Variants in RASGRP4 observed in about 807,000 individuals in gnomAD.
RASGRP4 encodes the protein RAS guanyl releasing protein 4.
RASGRP4 carries 52 observed loss-of-function variants against 84.4 expected under a neutral mutation model. That is an observed-to-expected ratio of 0.62 (90% CI 0.49 to 0.78). The LOEUF is 0.78. Among genes scored for constraint, RASGRP4 ranks in the 30% least tolerant of loss-of-function variants. The probability of loss-of-function intolerance (pLI) is 0.00; values close to 1 mark genes in which losing one functional copy is unlikely to be tolerated. For synonymous variants in RASGRP4, 356 were observed against 359.1 expected (o/e 0.99, Z 0.10); for missense variants, 760 against 886.9 (o/e 0.86, Z 1.82).
chr19:38,422,410 G>A (rs1971797335), intron 1 of RASGRP4, among the ~76,000 whole-genome samples: 1 of 152,218 alleles, frequency 6.6e-6, no homozygotes, highest in African/African-American at 2.4e-5. Flanking sequence ...CAGAGAGGAA[G>A]ATCCTCAAGA....
chr19:38,414,414 C>T (rs539045601), intron 9 of RASGRP4, among the ~76,000 whole-genome samples: 1 of 152,024 alleles, frequency 6.6e-6, no homozygotes, highest in Non-Finnish European at 1.5e-5. Context: ...GCAACCTCCA[C>T]CTCCCGGGTT....
rs896910080 is a variant in RASGRP4, at chr19:38,421,838, C to A, written c.208+131G>T. 8.3e-6 allele frequency: 5 copies of A among 602,898 alleles called. No individual in the cohort carries two copies. The Admixed American group carries it at 1.0e-4, about 12-fold the overall frequency. 37.3% of individuals were successfully genotyped at this position (602,898 alleles called of 1,614,324 possible). On this transcript the variant is annotated intron_variant, in intron 2 of 16. Transcript: ENST00000615439. ...GAAGAAATGCAGGTGTTTCTGTTAT[C>A]TCTAATGTAGTGATTGAGTTTCATT...
chr19:38,412,922 A>G lies in RASGRP4; in HGVS notation c.1535+9T>C, dbSNP rs555629229. The G allele has an allele frequency of 1.3e-5, 21 of 1,613,630 alleles. No homozygotes were observed. Among genetic ancestry groups the G allele is most frequent in the Admixed American group, 1.2e-4 (7 of 60,020 alleles). On this transcript the variant is annotated intron_variant, in intron 12 of 16. Coordinates refer to ENST00000615439, the MANE Select transcript of RASGRP4 (RefSeq NM_170604.3). This position sits in a 1 kb window ranked among gnomAD's most constrained non-coding sequence, Gnocchi z 4.6. ...ATCTTCGGAGGATCCAGGAGTCACAACCACTTACCCCTGGCGTGGGGGTGG... is the reference window on the plus strand; with the variant it reads ...ATCTTCGGAGGATCCAGGAGTCACAGCCACTTACCCCTGGCGTGGGGGTGG...
intron 9 of RASGRP4, among the ~76,000 whole-genome samples, chr19:38,414,294 G>A (rs1344741959): frequency 6.6e-6 from 1 of 151,714 alleles, no homozygotes; most frequent in Non-Finnish European, 1.5e-5. Flanking sequence ...CTCTGAAGTG[G>A]GTCCTTTTAT....
At chr19:38,410,197 GT>G in intron 16 of RASGRP4, 101 bp from the exon 17 acceptor site, 3 of 853,850 alleles carry the variant, frequency 3.5e-6, no homozygotes, top group Non-Finnish European at 5.5e-6. Flanking sequence ...GCCCAGACTG[GT>G]AAGTGGATGA....
intron 13 of RASGRP4, 151 bp from the exon 14 acceptor site, chr19:38,411,532 G>C (rs1250594127): frequency 2.5e-6 from 2 of 792,832 alleles, no homozygotes; most frequent in South Asian, 1.9e-5. Flanking sequence ...ATGTGGGTGG[G>C]GTACAGTGGC....
chr19:38,410,830 C>G (rs978170021), intron 16 of RASGRP4, 56 bp downstream of exon 16: 1 of 1,285,548 alleles, frequency 7.8e-7, no homozygotes, highest in Non-Finnish European at 1.1e-6. Flanking sequence ...GTCTTCCCCA[C>G]GCCAATGGCC....
At position 38,413,891 on chromosome 19, in the gene RASGRP4, A is replaced by G. The variant is rs1286539423; in HGVS notation, c.1231-417T>C. ...AGTCATTGGAGGAAGTGGGGAAAAA[A>G]CATGTTACTTAAATAGAATACAGAG... is the stretch of plus-strand genomic sequence containing the variant. On this transcript the variant is annotated intron_variant, in intron 9 of 16. Coordinates refer to ENST00000615439, the MANE Select transcript of RASGRP4 (RefSeq NM_170604.3). The surrounding 1 kb of genome is among the most constrained non-coding windows in gnomAD (Gnocchi z 4.7). 6.6e-6 allele frequency among the ~76,000 whole-genome samples: 1 copy of G among 152,100 alleles called. No homozygotes were observed. The highest frequency in any genetic ancestry group is 2.4e-5 in the African/African-American group (1 of 41,396).
Position 38,422,071 on chromosome 19 carries a change from G to A in RASGRP4, c.106C>T (p.Pro36Ser). The part of the protein sequence containing the change: ...QVRRHKTCPS[P>S]REISKVMASM... ...GCCATGACCTTGCTGATTTCCCGAG[G>A]GCTGGGGCATGTCTTGTGGCGGCGC... Residue 36 changes from proline (P) to serine (S), a missense_variant, in exon 2 of 17, where the codon CCT (proline) becomes TCT (serine). Coordinates refer to ENST00000615439, the MANE Select transcript of RASGRP4 (RefSeq NM_170604.3). The A allele has an allele frequency of 8.1e-6, 13 of 1,613,820 alleles. No individual in the cohort carries two copies. The highest frequency in any genetic ancestry group is 1.1e-5 in the Non-Finnish European group (13 of 1,179,850).
rs1184318333 is a variant in RASGRP4, at chr19:38,418,466, C to T, written c.762G>A (p.Val254=). 1 of 1,594,566 alleles carries T rather than the reference C, an allele frequency of 6.3e-7. No individual in the cohort carries two copies. Residue 254 remains valine, a synonymous_variant, in exon 7 of 17, where the codon GTG becomes GTA. Coordinates refer to ENST00000615439, the MANE Select transcript of RASGRP4 (RefSeq NM_170604.3). This position sits in a 1 kb window ranked among gnomAD's most constrained non-coding sequence, Gnocchi z 4.6. ...CGGGACGGCTCAGCACCATCACCTG[C>T]ACCCAGCGGGACACGCTGTTGCTGA... ...VGLSNSVSRW[V]QVMVLSRPGP...
At chr19:38,425,384 G>A (rs990383711) in intron 1 of RASGRP4, among the ~76,000 whole-genome samples, 11 of 152,172 alleles carry the variant, frequency 7.2e-5, no homozygotes, top group Non-Finnish European at 4.4e-5. Flanking sequence ...CCGAGACACA[G>A]AGCAGTTAAG....
Position 38,414,964 on chromosome 19 carries a change from C to T in RASGRP4, c.1114G>A (p.Gly372Ser), listed in dbSNP as rs368971000. 34 of 1,613,456 alleles carry T rather than the reference C, an allele frequency of 2.1e-5. No homozygotes were observed. The African/African-American group carries it at 2.8e-4, about 13-fold the overall frequency. The change falls in exon 9 of 17, where the codon GGC becomes AGC. Residue 372 changes from glycine (G) to serine (S), a missense_variant. Physicochemically the swap from Gly to Ser is moderately conservative, Grantham distance 56 (BLOSUM62 0). Transcript: ENST00000615439. ...HEAQPDRLPD[G>S]RLHLPKLNNL... ...TTCAGCTTGGGTAGGTGCAGGCGGC[C>T]GTCAGGCAACCTGTCGGGCTGTGCC...
chr19:38,418,173 C>T lies in RASGRP4; in HGVS notation c.837+218G>A, dbSNP rs1366726789. 6.6e-6 allele frequency among the ~76,000 whole-genome samples: 1 copy of T among 151,784 alleles called. No individual in the cohort carries two copies. The highest frequency in any genetic ancestry group is 2.4e-5 in the African/African-American group (1 of 41,312). The stretch of plus-strand genomic sequence containing the variant: ...GCTTGGGAGCCTGTCACGTCTAGGG[C>T]CAAGGGGTGGGGCCACGGTGGGTGC... On this transcript the variant is annotated intron_variant, in intron 7 of 16. Coordinates refer to ENST00000615439, the MANE Select transcript of RASGRP4 (RefSeq NM_170604.3). The surrounding 1 kb of genome is among the most constrained non-coding windows in gnomAD (Gnocchi z 4.6).
intron 8 of RASGRP4, among the ~76,000 whole-genome samples, chr19:38,415,434 G>A (rs1480956740): frequency 4.1e-5 from 6 of 147,668 alleles, no homozygotes; most frequent in Admixed American, 6.8e-5. Context: ...GTGCAGTGGC[G>A]TGATCTCGGC....
Position 38,419,950 on chromosome 19 carries a change from G to A in RASGRP4, c.573C>T (p.Arg191=), listed in dbSNP as rs184575091. 2.2e-5 allele frequency: 35 copies of A among 1,614,008 alleles called. No homozygotes were observed. The East Asian group carries it at 7.8e-4, about 36-fold the overall frequency. The change falls in exon 6 of 17, where the codon CGC becomes CGT. Residue 191 remains arginine (R), a synonymous_variant. Coordinates refer to ENST00000615439, the MANE Select transcript of RASGRP4 (RefSeq NM_170604.3). ...PMSSPGLGKK[R]KVSLLFDHLE... The stretch of plus-strand genomic sequence containing the variant: ...AGTGGTCGAAAAGCAAGGACACTTT[G>A]CGCTTTTTGCCCAGGCCTGGGCTGC...
At chr19:38,425,378 G>A (rs937016980) in intron 1 of RASGRP4, among the ~76,000 whole-genome samples, 1 of 152,128 alleles carries the variant, frequency 6.6e-6, no homozygotes, top group Non-Finnish European at 1.5e-5. Context: ...AAAAACCCGA[G>A]ACACAGAGCA....
In RASGRP4 at chr19:38,414,929, G is replaced by A; in HGVS notation, c.1149C>T (p.Tyr383=). 1 of 1,613,258 alleles carries A rather than the reference G, an allele frequency of 6.2e-7. No individual in the cohort carries two copies. Among genetic ancestry groups the A allele is most frequent in the Non-Finnish European group, 8.5e-7 (1 of 1,179,660 alleles). Residue 383 remains tyrosine, a synonymous_variant, in exon 9 of 17, where the codon TAC becomes TAT. Coordinates refer to ENST00000615439, the MANE Select transcript of RASGRP4 (RefSeq NM_170604.3). ...RLHLPKLNNL[Y]LRLQELVALQ... is the part of the protein sequence containing the mutation. ...GGGCCACCAGCTCCTGCAGCCGCAG[G>A]TAGAGGTTGTTCAGCTTGGGTAGGT...
At chr19:38,421,348 G>A in intron 2 of RASGRP4, 148 bp from the exon 3 acceptor site, 1 of 636,586 alleles carries the variant, frequency 1.6e-6, no homozygotes, top group Admixed American at 2.5e-5. Flanking sequence ...AACCTCCTGT[G>A]CCTCAGTTTC....
chr19:38,412,980 C>T lies in RASGRP4; in HGVS notation c.1486G>A (p.Gly496Ser), dbSNP rs776994464. 5 of 1,614,018 alleles carry T rather than the reference C, an allele frequency of 3.1e-6. No homozygotes were observed. The East Asian group carries it at 1.1e-4, about 36-fold the overall frequency. The change falls in exon 12 of 17, where the codon GGC (glycine) becomes AGC (serine). Residue 496 changes from glycine (G) to serine (S), a missense_variant. Gly to Ser is a moderately conservative substitution (Grantham distance 56). Transcript: ENST00000615439. The surrounding 1 kb of genome is among the most constrained non-coding windows in gnomAD (Gnocchi z 4.6). ...CCATGGCAGGCGAAGGGAAAATTGC[C>T]CGAGAGTCGCTCAAAGTCCTCCTGA... ...ISQEDFERLS[G>S]NFPFACHGLH... is the part of the protein sequence containing the mutation.
Sources: allele counts gnomAD v4.1 joint callset (sites outside exome capture counted in the v4.1 genomes callset), GRCh38; gene constraint gnomAD v4.1.1; non-coding constraint Gnocchi (gnomAD v3.1); transcripts MANE v1.5; gene names NCBI Gene and HGNC (gene_info 2026-07-23, HGNC 2026-07-21).